EVI5: variants seen among roughly 807,000 people sequenced by gnomAD.
EVI5 encodes ecotropic viral integration site 5, also known as ecotropic viral integration site 5 protein homolog.
A neutral mutation model predicts 112.0 loss-of-function variants in EVI5; 73 were observed. The ratio of observed to expected loss-of-function variants is 0.65; its 90% confidence interval spans 0.54 to 0.79. The LOEUF (loss-of-function observed/expected upper bound fraction) is 0.79, where lower values mean the gene tolerates loss of function less well. Among genes scored for constraint, EVI5 ranks in the 30% least tolerant of loss-of-function variants. EVI5 has a pLI of 0.00. For synonymous variants in EVI5, 305 were observed against 319.9 expected, an observed-to-expected ratio of 0.95 and a Z score of 0.50; for missense variants, 900 against 968.8, an observed-to-expected ratio of 0.93 and a Z score of 0.94.
chr1:92,523,966 G>C (rs1661401383), intron 19 of EVI5, among the ~76,000 whole-genome samples: 1 of 151,844 alleles, frequency 6.6e-6, no homozygotes, highest in African/African-American at 2.4e-5. Flanking sequence ...CATGCCTGTA[G>C]TCCCAGCTTA....
rs141318740 is a variant in EVI5, at chr1:92,629,489, G to C, written c.1528-3555C>G. Among the ~76,000 whole-genome samples, 224 of 152,228 alleles carry C rather than the reference G, an allele frequency of 1.5e-3. 3 individuals carry two copies. Among genetic ancestry groups the C allele is most frequent in the African/African-American group, 5.2e-3 (218 of 41,556 alleles). On this transcript the variant is annotated intron_variant, in intron 14 of 19. Coordinates refer to ENST00000684568, the MANE Select transcript of EVI5 (RefSeq NM_001350197.2). ...TAAATCTGAAAGCTATAAGAAACCT[G>C]AAGTTCTTCTACTCCCATTACTTAT...
At chr1:92,769,204 T>C (rs1212434966) in intron 1 of EVI5, among the ~76,000 whole-genome samples, 3 of 152,180 alleles carry the variant, frequency 2.0e-5, no homozygotes, top group Non-Finnish European at 4.4e-5. Context: ...AGAAAATACA[T>C]GTTAAGAACC....
At chr1:92,652,912 A>G (rs1249195515) in intron 13 of EVI5, among the ~76,000 whole-genome samples, 1 of 152,196 alleles carries the variant, frequency 6.6e-6, no homozygotes, top group Non-Finnish European at 1.5e-5. Flanking sequence ...ACCCCGAGGG[A>G]TTTGGTATCT....
intron 19 of EVI5, among the ~76,000 whole-genome samples, chr1:92,521,021 G>A (rs1660841490): frequency 6.6e-6 from 1 of 151,022 alleles, no homozygotes; most frequent in South Asian, 2.1e-4. Context: ...GAGTACAGTG[G>A]CACGATCTCA....
chr1:92,652,635 A>G (rs2102064511), intron 13 of EVI5, among the ~76,000 whole-genome samples: 1 of 152,372 alleles, frequency 6.6e-6, no homozygotes, highest in East Asian at 1.9e-4. Context: ...TATGGAATCA[A>G]CCTAAATATC....
intron 2 of EVI5, among the ~76,000 whole-genome samples, chr1:92,713,484 A>G (rs1180439866): frequency 1.3e-5 from 2 of 152,062 alleles, no homozygotes; most frequent in African/African-American, 4.8e-5. Flanking sequence ...GTTTAAAAAG[A>G]ACCCTTTCTG....
At chr1:92,721,640 A>G (rs1232235467) in intron 2 of EVI5, among the ~76,000 whole-genome samples, 1 of 152,228 alleles carries the variant, frequency 6.6e-6, no homozygotes, top group Non-Finnish European at 1.5e-5. Flanking sequence ...ACAAACCTGT[A>G]CGTTGTGCAC....
chr1:92,545,702 T>C (rs1243548658), intron 19 of EVI5, among the ~76,000 whole-genome samples: 3 of 152,186 alleles, frequency 2.0e-5, no homozygotes, highest in African/African-American at 7.2e-5. Flanking sequence ...TTTCAGCCAT[T>C]AGATCAATCT....
chr1:92,662,588 T>A, intron 13 of EVI5, 131 bp downstream of exon 13: 9 of 521,608 alleles, frequency 1.7e-5, no homozygotes, highest in Non-Finnish European at 2.4e-5. Flanking sequence ...CATAAAATTG[T>A]ATAATTTAAA....
At chr1:92,581,176 C>G (rs1410934459) in intron 18 of EVI5, among the ~76,000 whole-genome samples, 1 of 152,184 alleles carries the variant, frequency 6.6e-6, no homozygotes, top group African/African-American at 2.4e-5. Flanking sequence ...CCTTTGCCTT[C>G]CAAGCTCAAG....
chr1:92,697,109 C>T (rs958899845), intron 6 of EVI5, among the ~76,000 whole-genome samples: 8 of 151,996 alleles, frequency 5.3e-5, no homozygotes, highest in Non-Finnish European at 1.0e-4. Context: ...GCTCCCACCA[C>T]AGATGGGAAA....
intron 19 of EVI5, among the ~76,000 whole-genome samples, chr1:92,515,253 G>A (rs929827015): frequency 2.0e-5 from 3 of 152,138 alleles, no homozygotes; most frequent in African/African-American, 7.2e-5. Context: ...TAATTCTAGA[G>A]TTTAGTATTG....
chr1:92,617,630 A>C (rs1434838441), intron 16 of EVI5, among the ~76,000 whole-genome samples: 1 of 152,204 alleles, frequency 6.6e-6, no homozygotes, highest in Non-Finnish European at 1.5e-5. Context: ...CCACTCACCA[A>C]GGCTGACCTG....
rs199893044 is a variant in EVI5, at chr1:92,636,342, G to T, written c.1393-6C>A. 15 of 1,611,544 alleles carry T rather than the reference G, an allele frequency of 9.3e-6. No homozygotes were observed. Among genetic ancestry groups the T allele is most frequent in the Non-Finnish European group, 1.3e-5 (15 of 1,178,408 alleles). ...TAGTTGGAACTGCATTTATGCTAAAGGTTACAGACATACACTGAAATTTCA... is the reference window on the plus strand; with the variant it reads ...TAGTTGGAACTGCATTTATGCTAAATGTTACAGACATACACTGAAATTTCA... On this transcript the variant is annotated splice_polypyrimidine_tract_variant and splice_region_variant and intron_variant, in intron 13 of 19. Transcript: ENST00000684568.
At chr1:92,747,470 G>T (rs6674324) in intron 1 of EVI5, among the ~76,000 whole-genome samples, 136,779 of 151,946 alleles carry the variant, frequency 0.9, 61,680 homozygotes, top group East Asian at 0.97. Flanking sequence ...TCCCAGCACT[G>T]TGGGAGGCCG....
In EVI5 at chr1:92,680,732, A is replaced by G. The variant is rs1034849500; in HGVS notation, c.1098-3514T>C. Among the ~76,000 whole-genome samples, 3 of 152,176 alleles carry G rather than the reference A, an allele frequency of 2.0e-5. 1 individual carries two copies. Among genetic ancestry groups the G allele is most frequent in the Non-Finnish European group, 4.4e-5 (3 of 68,016 alleles). On this transcript the variant is annotated intron_variant, in intron 9 of 19. Coordinates refer to ENST00000684568, the MANE Select transcript of EVI5 (RefSeq NM_001350197.2). The stretch of plus-strand genomic sequence containing the variant: ...ACATTACCAGTTCTGAGAGAAAGTA[A>G]TATCATATATATCGTATGGTGAAAT...
At chr1:92,660,500 G>A (rs1572158790) in intron 13 of EVI5, among the ~76,000 whole-genome samples, 1 of 151,950 alleles carries the variant, frequency 6.6e-6, no homozygotes, top group Non-Finnish European at 1.5e-5. Flanking sequence ...ATAAATTCTG[G>A]TGTTACATTG....
intron 16 of EVI5, 68 bp downstream of exon 16, chr1:92,624,108 A>T: frequency 7.4e-7 from 1 of 1,351,308 alleles, no homozygotes; most frequent in Admixed American, 1.8e-5. Context: ...TAGGGATGAT[A>T]CAATCTGTGC....
chr1:92,600,518 G>A (rs1444256601), intron 18 of EVI5, among the ~76,000 whole-genome samples: 1 of 152,186 alleles, frequency 6.6e-6, no homozygotes, highest in Non-Finnish European at 1.5e-5. Context: ...ATGATTCACT[G>A]TTGCAACAAT....
Sources: gnomAD v4.1 joint callset for allele counts (sites outside exome capture counted in the v4.1 genomes callset) on GRCh38, gnomAD v4.1.1 for gene constraint, MANE v1.5 for transcripts, NCBI Gene and HGNC (gene_info 2026-07-23, HGNC 2026-07-21) for gene names.